VPS37D: variants seen among roughly 807,000 people sequenced by gnomAD.
The protein encoded by VPS37D is vacuolar protein sorting-associated protein 37D.
A neutral mutation model predicts 22.0 loss-of-function variants in VPS37D; 5 were observed. The observed-to-expected ratio is 0.23, with a 90% CI of 0.12 to 0.48. The LOEUF is 0.48. Among genes scored for constraint, VPS37D ranks in the 20% least tolerant of loss-of-function variants. VPS37D has a pLI of 0.99. For missense variants in VPS37D, 384 were observed against 345.8 expected (o/e 1.11, Z -0.88); for synonymous variants, 174 against 159.3 (o/e 1.09, Z -0.69).
In VPS37D at chr7:73,670,053, C is replaced by T. The variant is rs1014679147; in HGVS notation, c.344C>T (p.Ala115Val). 3.9e-5 allele frequency: 60 copies of T among 1,550,562 alleles called. No homozygotes were observed. The highest frequency in any genetic ancestry group is 2.0e-4 in the East Asian group (8 of 40,822). ...ESMHRWSPHC[A>V]LGWLQAELEE... ...ATGCATCGCTGGAGTCCCCACTGCG[C>T]GCTGGGCTGGCTGCAGGCTGAGCTA... Residue 115 changes from alanine (A) to valine (V), a missense_variant, in exon 3 of 4, where the codon GCG becomes GTG. Physicochemically the swap from Ala to Val is moderately conservative, Grantham distance 64. Transcript: ENST00000324941.
chr7:73,671,266 C>G lies in VPS37D; in HGVS notation c.646C>G (p.Pro216Ala). The change falls in exon 4 of 4, where the codon CCC becomes GCC. Residue 216 changes from proline (P) to alanine (A), a missense_variant. Pro to Ala is a conservative substitution (Grantham distance 27). Coordinates refer to ENST00000324941, the MANE Select transcript of VPS37D (RefSeq NM_001077621.2). ...GPPAVPRSLP[P>A]LDSRPVPPLK... is the part of the protein sequence containing the mutation. ...ACCAGCAGTGCCCCGGAGCCTGCCC[C>G]CCTTGGACTCCCGCCCAGTGCCCCC... 1.4e-6 allele frequency: 2 copies of G among 1,480,590 alleles called. No homozygotes were observed. The highest frequency in any genetic ancestry group is 1.8e-6 in the Non-Finnish European group (2 of 1,119,032). The allele number at this position is 1,480,590 out of a possible 1,614,324, so 91.7% of individuals were successfully genotyped here.
chr7:73,668,792 G>T (rs1465323105), intron 1 of VPS37D, among the ~76,000 whole-genome samples: 1 of 152,012 alleles, frequency 6.6e-6, no homozygotes, highest in Non-Finnish European at 1.5e-5. Flanking sequence ...CTCCAGGGCC[G>T]GGGCTGCTGT....
At chr7:73,668,778 C>G (rs376591649) in intron 1 of VPS37D, among the ~76,000 whole-genome samples, 4 of 151,892 alleles carry the variant, frequency 2.6e-5, no homozygotes, top group Non-Finnish European at 5.9e-5. Flanking sequence ...AAGGAAAAAG[C>G]CTTCTCCAGG....
At position 73,669,608 on chromosome 7, in the gene VPS37D, A is replaced by G. The variant is rs984707884; in HGVS notation, c.310+18A>G. On this transcript the variant is annotated intron_variant, in intron 2 of 3. Transcript: ENST00000324941. ...GCGACTGGGTGAGGGCACGTCTGGG[A>G]GAACCCCCTGGGGCTGGTGGGGGCA... is the stretch of plus-strand genomic sequence containing the variant. 1.3e-6 allele frequency: 2 copies of G among 1,577,996 alleles called. No homozygotes were observed. Among genetic ancestry groups the G allele is most frequent in the Non-Finnish European group, 1.7e-6 (2 of 1,160,684 alleles).
chr7:73,669,719 G>A, intron 2 of VPS37D, 129 bp downstream of exon 2: 1 of 611,624 alleles, frequency 1.6e-6, no homozygotes, highest in Middle Eastern at 6.3e-4. Flanking sequence ...TTGCTGGGCA[G>A]TAGAGTTGAG....
chr7:73,669,514 C>A lies in VPS37D; in HGVS notation c.234C>A (p.Gly78=). Residue 78 remains glycine, a synonymous_variant, in exon 2 of 4, where the codon GGC becomes GGA. Transcript: ENST00000324941. ...CCCTGCGGCCCCGCCTGGAGATGGG[C>A]CGGGCTGCCCTGGCCATCAAATACC... ...NLALRPRLEM[G]RAALAIKYQE... is the part of the protein sequence containing the mutation. 6.3e-7 allele frequency: 1 copy of A among 1,583,876 alleles called. No individual in the cohort carries two copies. The highest frequency in any genetic ancestry group is 1.8e-5 in the Admixed American group (1 of 55,622).
At chr7:73,670,932 G>A in intron 3 of VPS37D, 82 bp from the exon 4 acceptor site, 1 of 1,533,078 alleles carries the variant, frequency 6.5e-7, no homozygotes. Flanking sequence ...CATGGGGAGG[G>A]CCTCAGGGTG....
At chr7:73,670,138 G>A in intron 3 of VPS37D, 36 bp downstream of exon 3, 1 of 1,549,580 alleles carries the variant, frequency 6.5e-7, no homozygotes, top group Non-Finnish European at 8.7e-7. Flanking sequence ...GGGGCCAGGA[G>A]GGAGACCCAT....
chr7:73,671,213 T>A lies in VPS37D; in HGVS notation c.593T>A (p.Val198Asp). 6.3e-7 allele frequency: 1 copy of A among 1,579,524 alleles called. No homozygotes were observed. Among genetic ancestry groups the A allele is most frequent in the Non-Finnish European group, 8.6e-7 (1 of 1,164,350 alleles). Reference sequence around the variant, plus strand: ...CCCAAATCCTTCCCGGCTGCAGCTGTCCTGCCCACTGGGGCCGCCCGGGGG... The same window carrying A: ...CCCAAATCCTTCCCGGCTGCAGCTGACCTGCCCACTGGGGCCGCCCGGGGG... ...DPPKSFPAAA[V>D]LPTGAARGPP... is the part of the protein sequence containing the mutation. Residue 198 changes from valine (V) to aspartate (D), a missense_variant, in exon 4 of 4, where the codon GTC (valine) becomes GAC (aspartate). Physicochemically the swap from Val to Asp is radical, Grantham distance 152. Transcript: ENST00000324941.
Position 73,671,490 on chromosome 7 carries a change from G to A in VPS37D, c.*114G>A, listed in dbSNP as rs1051117994. The A allele has an allele frequency of 1.7e-5, 6 of 350,246 alleles. No individual in the cohort carries two copies. The highest frequency in any genetic ancestry group is 5.1e-5 in the Admixed American group (1 of 19,794). 21.7% of individuals were successfully genotyped at this position (350,246 alleles called of 1,614,324 possible). A position where few individuals can be genotyped will look rare whatever the true frequency, so the allele number is the denominator to read the frequency against. ...GGCAGGCCCCTCCCCCTGGCCTCAG[G>A]CAGGCCCTGGCCCTGGAGGCTGAGC... is the stretch of plus-strand genomic sequence containing the variant. On this transcript the variant is annotated 3_prime_UTR_variant, in exon 4 of 4. Transcript: ENST00000324941.
At chr7:73,670,978 T>C in intron 3 of VPS37D, 36 bp from the exon 4 acceptor site, 1 of 1,602,468 alleles carries the variant, frequency 6.2e-7, no homozygotes, top group Non-Finnish European at 8.5e-7. Flanking sequence ...TCTGTGGTCG[T>C]GCCTCTCCCA....
chr7:73,669,606 G>T lies in VPS37D; in HGVS notation c.310+16G>T. On this transcript the variant is annotated intron_variant, in intron 2 of 3. Coordinates refer to ENST00000324941, the MANE Select transcript of VPS37D (RefSeq NM_001077621.2). ...CAGCGACTGGGTGAGGGCACGTCTGGGAGAACCCCCTGGGGCTGGTGGGGG... is the reference window on the plus strand; with the variant it reads ...CAGCGACTGGGTGAGGGCACGTCTGTGAGAACCCCCTGGGGCTGGTGGGGG... 1 of 1,579,402 alleles carries T rather than the reference G, an allele frequency of 6.3e-7. No homozygotes were observed. The highest frequency in any genetic ancestry group is 2.3e-5 in the East Asian group (1 of 43,202).
chr7:73,669,905 G>A (rs1353934044), intron 2 of VPS37D, 115 bp from the exon 3 acceptor site: 9 of 1,510,518 alleles, frequency 6.0e-6, no homozygotes, highest in Non-Finnish European at 7.1e-6. Flanking sequence ...TACAGATGAG[G>A]AAACTGAGGC....
At position 73,668,093 on chromosome 7, in the gene VPS37D, GA is replaced by G; in HGVS notation, c.137del (p.Lys46SerfsTer78). The G allele has an allele frequency of 9.0e-7, 1 of 1,108,390 alleles. No homozygotes were observed. Among genetic ancestry groups the G allele is most frequent in the Non-Finnish European group, 1.1e-6 (1 of 900,390 alleles). 68.7% of individuals were successfully genotyped at this position (1,108,390 alleles called of 1,614,324 possible). A position where few individuals can be genotyped will look rare whatever the true frequency, so the allele number is the denominator to read the frequency against. On this transcript the variant is annotated frameshift_variant and splice_region_variant, in exon 1 of 4. Transcript: ENST00000324941. LOFTEE classifies it high-confidence loss of function. ...TGGACCGGATCGTGCGGCTCAGCAG[GA>G]AGGTAGCGCGGGGGGCTCGAGCGGG... ...KLDRIVRLSRKFQGLQLEREA... is the reference protein window; with the variant it reads ...KLDRIVRLSRXFQGLQLEREA...
At chr7:73,670,871 A>G in intron 3 of VPS37D, 143 bp from the exon 4 acceptor site, 2 of 1,204,264 alleles carry the variant, frequency 1.7e-6, no homozygotes, top group Non-Finnish European at 2.2e-6. Context: ...AATCGGAGGC[A>G]GGCCCAGGCT....
In VPS37D at chr7:73,668,081, G is replaced by T. The variant is rs1247266173; in HGVS notation, c.123G>T (p.Val41=). The T allele has an allele frequency of 9.8e-6, 11 of 1,126,638 alleles. No homozygotes were observed. Among genetic ancestry groups the T allele is most frequent in the Non-Finnish European group, 1.2e-5 (11 of 910,982 alleles). The allele number at this position is 1,126,638 out of a possible 1,614,324, so 69.8% of individuals were successfully genotyped here. A position where few individuals can be genotyped will look rare whatever the true frequency, so the allele number is the denominator to read the frequency against. The change falls in exon 1 of 4, where the codon GTG becomes GTT. Residue 41 remains valine (V), a synonymous_variant. Transcript: ENST00000324941. ...ATGAGCCCAAGCTGGACCGGATCGT[G>T]CGGCTCAGCAGGAAGGTAGCGCGGG... ...LQDEPKLDRI[V]RLSRKFQGLQ... is the part of the protein sequence containing the mutation.
In VPS37D at chr7:73,671,544, C is replaced by T. The variant is rs1227669645; in HGVS notation, c.*168C>T. The stretch of plus-strand genomic sequence containing the variant: ...GGAGGAGGGTCCCCTGGAAGAGGCC[C>T]GAGAGGGGGCTGGGGGTGGGTGGGC... On this transcript the variant is annotated 3_prime_UTR_variant, in exon 4 of 4. Transcript: ENST00000324941. 8.1e-5 allele frequency: 11 copies of T among 135,558 alleles called. No homozygotes were observed. Among genetic ancestry groups the T allele is most frequent in the East Asian group, 2.4e-4 (1 of 4,152 alleles). The allele number at this position is 135,558 out of a possible 1,614,324, so 8.4% of individuals were successfully genotyped here. A position where few individuals can be genotyped will look rare whatever the true frequency, so the allele number is the denominator to read the frequency against.
chr7:73,667,367 G>C (rs1225293130), upstream of VPS37D, among the ~76,000 whole-genome samples: 1 of 152,030 alleles, frequency 6.6e-6, no homozygotes, highest in Admixed American at 6.6e-5. Flanking sequence ...CTGGCCTCAA[G>C]CGATCCTCCC....
At position 73,671,037 on chromosome 7, in the gene VPS37D, C is replaced by T. The variant is rs1435944373; in HGVS notation, c.417C>T (p.Leu139=). The change falls in exon 4 of 4, where the codon CTC becomes CTT. Residue 139 remains leucine (L), a synonymous_variant. Coordinates refer to ENST00000324941, the MANE Select transcript of VPS37D (RefSeq NM_001077621.2). ...AGGAGCAGATGGAGCAGCTGCTGCT[C>T]GGGGAGCAAAGCCTGGAGGCCTTCC... is the stretch of plus-strand genomic sequence containing the variant. The part of the protein sequence containing the change: ...EAEEQMEQLL[L]GEQSLEAFLP... 7 of 1,612,438 alleles carry T rather than the reference C, an allele frequency of 4.3e-6. No individual in the cohort carries two copies. Among genetic ancestry groups the T allele is most frequent in the African/African-American group, 1.3e-5 (1 of 74,992 alleles).
Sources: allele counts gnomAD v4.1 joint callset (sites outside exome capture counted in the v4.1 genomes callset), GRCh38; gene constraint gnomAD v4.1.1; transcripts MANE v1.5; gene names NCBI Gene and HGNC (gene_info 2026-07-23, HGNC 2026-07-21).